GPC5: variants seen among roughly 807,000 people sequenced by gnomAD.
GPC5 encodes the protein glypican 5.
In GPC5, 47 loss-of-function variants were observed where a neutral mutation model predicts 53.9. That is an observed-to-expected ratio of 0.87 (90% CI 0.69 to 1.11). The LOEUF (loss-of-function observed/expected upper bound fraction) is 1.11, where lower values mean the gene tolerates loss of function less well. GPC5 is among the 50% of genes most tolerant of loss of function. GPC5 has a pLI of 0.00. For missense variants in GPC5, 748 were observed against 713.1 expected, an observed-to-expected ratio of 1.05 and a Z score of -0.56; for synonymous variants, 286 against 263.3, an observed-to-expected ratio of 1.09 and a Z score of -0.84.
intron 7 of GPC5, among the ~76,000 whole-genome samples, chr13:92,478,322 G>A (rs1228174366): frequency 1.3e-5 from 2 of 152,126 alleles, no homozygotes; most frequent in African/African-American, 2.4e-5. Flanking sequence ...TGTAAATAAA[G>A]ACAGTTCAGT....
intron 7 of GPC5, among the ~76,000 whole-genome samples, chr13:92,839,323 A>G (rs368248066): frequency 1.1e-4 from 16 of 152,176 alleles, no homozygotes; most frequent in East Asian, 7.7e-4. Flanking sequence ...TTTTATTTTC[A>G]GGAGCAAATG....
At chr13:92,174,365 CAAA>C (rs5805735) in intron 7 of GPC5, among the ~76,000 whole-genome samples, 1 of 138,852 alleles carries the variant, frequency 7.2e-6, no homozygotes, top group African/African-American at 2.6e-5. Flanking sequence ...ACTAAAAACA[CAAA>C]AAAAAAAACA....
At chr13:92,200,798 C>T (rs186863018) in intron 7 of GPC5, among the ~76,000 whole-genome samples, 1 of 152,282 alleles carries the variant, frequency 6.6e-6, no homozygotes, top group East Asian at 1.9e-4. Context: ...CAGGTGGCAT[C>T]ATTAAATCAA....
chr13:92,572,485 G>T (rs1007318323), intron 7 of GPC5, among the ~76,000 whole-genome samples: 1 of 152,102 alleles, frequency 6.6e-6, no homozygotes, highest in African/African-American at 2.4e-5. Flanking sequence ...GGTGACCCTG[G>T]CCTCTTGATA....
intron 5 of GPC5, among the ~76,000 whole-genome samples, chr13:91,895,881 A>G (rs2039435769): frequency 1.3e-5 from 2 of 152,098 alleles, no homozygotes; most frequent in South Asian, 4.1e-4. Context: ...AAGTGTCTGT[A>G]AAACCAAGCT....
chr13:91,647,390 T>C (rs2034587383), intron 2 of GPC5, among the ~76,000 whole-genome samples: 1 of 152,224 alleles, frequency 6.6e-6, no homozygotes, highest in Non-Finnish European at 1.5e-5. Flanking sequence ...CTGAATGTTT[T>C]ATTTAATAGA....
At chr13:92,061,311 G>A (rs1609828) in intron 6 of GPC5, among the ~76,000 whole-genome samples, 142,332 of 152,024 alleles carry the variant, frequency 0.94, 67,227 homozygotes, top group East Asian at 1. Flanking sequence ...CAATAAATCA[G>A]TTTTGAAAAT....
intron 7 of GPC5, among the ~76,000 whole-genome samples, chr13:92,745,202 T>C (rs80038097): frequency 0.05 from 7,607 of 152,168 alleles, 289 homozygotes; most frequent in African/African-American, 0.1. Flanking sequence ...GTTAGTTCAA[T>C]ATAAACACAA....
At chr13:91,875,294 C>T (rs1594633593) in intron 5 of GPC5, among the ~76,000 whole-genome samples, 2 of 152,236 alleles carry the variant, frequency 1.3e-5, no homozygotes, top group South Asian at 2.1e-4. Context: ...GCATCTTCCC[C>T]GTGTAGTAAC....
chr13:91,435,611 C>T (rs1389948777), intron 1 of GPC5, among the ~76,000 whole-genome samples: 4 of 152,182 alleles, frequency 2.6e-5, no homozygotes. Context: ...AGGATTTTTG[C>T]ATCGATGTTC....
intron 1 of GPC5, among the ~76,000 whole-genome samples, chr13:91,437,764 G>C (rs1339942989): frequency 6.6e-6 from 1 of 152,122 alleles, no homozygotes; most frequent in Non-Finnish European, 1.5e-5. Flanking sequence ...TTTCCAACTT[G>C]GTTCCATTCT....
At chr13:92,188,145 CT>C (rs2042197565) in intron 7 of GPC5, among the ~76,000 whole-genome samples, 1 of 151,970 alleles carries the variant, frequency 6.6e-6, no homozygotes, top group Non-Finnish European at 1.5e-5. Flanking sequence ...GAACAGGGCT[CT>C]TTAAAAATAC....
chr13:91,790,243 G>T (rs1432214841), intron 5 of GPC5, among the ~76,000 whole-genome samples: 4 of 152,150 alleles, frequency 2.6e-5, no homozygotes, highest in Non-Finnish European at 4.4e-5. Context: ...TTATGTTGAA[G>T]ATTTCTTTAT....
chr13:91,666,253 T>C (rs2035109527), intron 2 of GPC5, among the ~76,000 whole-genome samples: 1 of 152,226 alleles, frequency 6.6e-6, no homozygotes, highest in Admixed American at 6.5e-5. Flanking sequence ...GTTGGAATAA[T>C]GGTTAACAGT....
intron 7 of GPC5, among the ~76,000 whole-genome samples, chr13:92,216,934 G>C (rs776516967): frequency 2.0e-5 from 3 of 148,126 alleles, no homozygotes; most frequent in Non-Finnish European, 4.4e-5. Context: ...AGCTGAGATC[G>C]CACTACTGGG....
At chr13:91,497,941 A>G (rs1053605655) in intron 2 of GPC5, among the ~76,000 whole-genome samples, 6 of 152,162 alleles carry the variant, frequency 3.9e-5, no homozygotes, top group African/African-American at 1.4e-4. Flanking sequence ...TTTGTGTTAC[A>G]AACAATCCAA....
chr13:92,260,182 C>T (rs1336403104), intron 7 of GPC5, among the ~76,000 whole-genome samples: 1 of 152,162 alleles, frequency 6.6e-6, no homozygotes, highest in Non-Finnish European at 1.5e-5. Context: ...GGCCACTCTT[C>T]TACCTTGGGT....
chr13:91,517,969 A>G (rs1054883789), intron 2 of GPC5, among the ~76,000 whole-genome samples: 2 of 152,168 alleles, frequency 1.3e-5, no homozygotes, highest in African/African-American at 4.8e-5. Context: ...ACATGTGGGA[A>G]TTCTGGGAGA....
intron 2 of GPC5, among the ~76,000 whole-genome samples, chr13:91,682,671 G>A (rs750115327): frequency 3.3e-5 from 5 of 152,186 alleles, no homozygotes; most frequent in South Asian, 2.1e-4. Flanking sequence ...AGGCAGGAGG[G>A]TACAGTCAGT....
Sources: gnomAD v4.1 joint callset for allele counts (sites outside exome capture counted in the v4.1 genomes callset) on GRCh38, gnomAD v4.1.1 for gene constraint, MANE v1.5 for transcripts, NCBI Gene and HGNC (gene_info 2026-07-23, HGNC 2026-07-21) for gene names.